The following GRM8 variants were observed in gnomAD, a reference collection of about 807,000 sequenced individuals.
The protein encoded by GRM8 is glutamate metabotropic receptor 8.
In GRM8, 47 loss-of-function variants were observed where a neutral mutation model predicts 87.2. That is an observed-to-expected ratio of 0.54 (90% CI 0.43 to 0.69). The LOEUF (loss-of-function observed/expected upper bound fraction) is 0.69. Ranked by LOEUF, GRM8 falls within the 30% of genes least tolerant of loss-of-function variation. GRM8 has a pLI of 0.00. For missense variants in GRM8, 1,019 were observed against 1,139.2 expected, an observed-to-expected ratio of 0.89 and a Z score of 1.52; for synonymous variants, 396 against 404.5, an observed-to-expected ratio of 0.98 and a Z score of 0.25.
intron 9 of GRM8, among the ~76,000 whole-genome samples, chr7:126,518,884 C>G (rs1812556401): frequency 6.6e-6 from 1 of 151,874 alleles, no homozygotes; most frequent in Non-Finnish European, 1.5e-5. Flanking sequence ...GGTAAGAGGA[C>G]AAGATTCAGA....
At chr7:126,581,552 C>T (rs1013681851) in intron 8 of GRM8, among the ~76,000 whole-genome samples, 3 of 152,072 alleles carry the variant, frequency 2.0e-5, no homozygotes, top group Non-Finnish European at 4.4e-5. Flanking sequence ...AGGTCTAATA[C>T]ATCTACCTTC....
chr7:126,812,020 G>A (rs1793347413), intron 6 of GRM8, among the ~76,000 whole-genome samples: 1 of 151,600 alleles, frequency 6.6e-6, no homozygotes, highest in South Asian at 2.1e-4. Flanking sequence ...TACTTAATAG[G>A]TACAATATGC....
At chr7:126,800,954 C>T (rs1822605747) in intron 6 of GRM8, among the ~76,000 whole-genome samples, 1 of 151,756 alleles carries the variant, frequency 6.6e-6, no homozygotes, top group Non-Finnish European at 1.5e-5. Flanking sequence ...GATGAATAAA[C>T]ATGTAATATT....
intron 6 of GRM8, among the ~76,000 whole-genome samples, chr7:126,798,799 G>A (rs1201811567): frequency 6.6e-6 from 1 of 152,124 alleles, no homozygotes; most frequent in Non-Finnish European, 1.5e-5. Flanking sequence ...GGAGGTCAGA[G>A]AGCAGGAACC....
intron 3 of GRM8, among the ~76,000 whole-genome samples, chr7:126,905,355 T>C (rs927633097): frequency 1.3e-5 from 2 of 152,122 alleles, no homozygotes; most frequent in East Asian, 1.9e-4. Context: ...CTCTCCTTCT[T>C]AGGCAATGAA....
At chr7:126,806,841 G>A (rs547669163) in intron 6 of GRM8, among the ~76,000 whole-genome samples, 46 of 152,270 alleles carry the variant, frequency 3.0e-4, no homozygotes, top group African/African-American at 9.6e-4. Flanking sequence ...GAACCGCGCC[G>A]GTGGCCACCC....
intron 9 of GRM8, among the ~76,000 whole-genome samples, chr7:126,448,537 G>C (rs116165080): frequency 6.6e-5 from 10 of 151,796 alleles, no homozygotes; most frequent in Non-Finnish European, 1.2e-4. Flanking sequence ...TAGCTTCCTC[G>C]TTAAATAAAT....
chr7:126,723,895 G>GA (rs1157056195), intron 7 of GRM8, among the ~76,000 whole-genome samples: 1 of 152,068 alleles, frequency 6.6e-6, no homozygotes, highest in East Asian at 1.9e-4. Context: ...TAACAAGAAG[G>GA]AAAAAATCAG....
intron 6 of GRM8, among the ~76,000 whole-genome samples, chr7:126,862,010 T>C (rs1453720387): frequency 6.6e-6 from 1 of 151,936 alleles, no homozygotes; most frequent in Non-Finnish European, 1.5e-5. Flanking sequence ...TGTTTTTGTA[T>C]GCTTTTAAAG....
At chr7:126,697,337 C>T (rs1029887035) in intron 7 of GRM8, among the ~76,000 whole-genome samples, 2 of 152,162 alleles carry the variant, frequency 1.3e-5, no homozygotes, top group Middle Eastern at 6.8e-3. Flanking sequence ...ATGAGGACTA[C>T]AGCTAATAAT....
chr7:126,841,634 T>A (rs950249374), intron 6 of GRM8, among the ~76,000 whole-genome samples: 10 of 148,286 alleles, frequency 6.7e-5, no homozygotes, highest in Non-Finnish European at 1.5e-4. Context: ...GGATTATTAT[T>A]TTTTTTTTTT....
intron 7 of GRM8, among the ~76,000 whole-genome samples, chr7:126,761,858 A>G (rs1411013174): frequency 6.6e-6 from 1 of 152,212 alleles, no homozygotes; most frequent in Non-Finnish European, 1.5e-5. Flanking sequence ...ACCAGAAGAA[A>G]TGTCACTTTC....
intron 7 of GRM8, among the ~76,000 whole-genome samples, chr7:126,645,775 A>G (rs144616939): frequency 1.5e-3 from 223 of 152,286 alleles, no homozygotes; most frequent in African/African-American, 5.1e-3. Context: ...AAAGACTTCA[A>G]CACTGCCTGG....
chr7:126,845,321 T>C (rs936212956), intron 6 of GRM8, among the ~76,000 whole-genome samples: 3 of 152,180 alleles, frequency 2.0e-5, no homozygotes, highest in South Asian at 2.1e-4. Flanking sequence ...TTCAGCAGTT[T>C]AAGAGAGGGT....
intron 2 of GRM8, among the ~76,000 whole-genome samples, chr7:127,137,249 G>A (rs1045384066): frequency 6.6e-6 from 1 of 151,546 alleles, no homozygotes; most frequent in African/African-American, 2.4e-5. Context: ...ATTCCATATA[G>A]TCAGGTCATT....
intron 3 of GRM8, among the ~76,000 whole-genome samples, chr7:127,042,572 G>C (rs918783544): frequency 1.3e-5 from 2 of 152,200 alleles, no homozygotes; most frequent in Admixed American, 6.5e-5. Context: ...GTAGAAAGCT[G>C]AAACTGGATC....
rs570012453 is a variant in GRM8, at chr7:126,691,286, G to A, written c.1357+78579C>T. Among the ~76,000 whole-genome samples, 24 of 152,312 alleles carry A rather than the reference G, an allele frequency of 1.6e-4. No individual in the cohort carries two copies. The South Asian group carries it at 2.9e-3, about 18-fold the overall frequency. On this transcript the variant is annotated intron_variant, in intron 7 of 10. Coordinates refer to ENST00000339582, the MANE Select transcript of GRM8 (RefSeq NM_000845.3). ...GCATGCATGCACCTGGCCAGGTTGC[G>A]ACAGTGCCTGGGCTCAGCCTTAACT... is the stretch of plus-strand genomic sequence containing the variant.
chr7:126,494,262 AT>A (rs1808418187), intron 9 of GRM8, among the ~76,000 whole-genome samples: 1 of 152,060 alleles, frequency 6.6e-6, no homozygotes, highest in African/African-American at 2.4e-5. Context: ...AATTGTCACC[AT>A]TTTTTAAAGT....
Position 126,568,516 on chromosome 7 carries a change from G to A in GRM8, c.1495-34629C>T, listed in dbSNP as rs1297065945. ...AGAGCTCCTCCCTCTCTCTCCCTCT[G>A]TCTCTCACCTCTGCAGACTATTATT... On this transcript the variant is annotated intron_variant, in intron 8 of 10. Transcript: ENST00000339582. 3.3e-5 allele frequency among the ~76,000 whole-genome samples: 5 copies of A among 152,020 alleles called. No individual in the cohort carries two copies. In the East Asian group the frequency reaches 7.7e-4, roughly 23 times the overall value.
Sources: gnomAD v4.1 joint callset for allele counts (sites outside exome capture counted in the v4.1 genomes callset) on GRCh38, gnomAD v4.1.1 for gene constraint, MANE v1.5 for transcripts, NCBI Gene and HGNC (gene_info 2026-07-23, HGNC 2026-07-21) for gene names.